Variants in STX11 observed in about 807,000 individuals in gnomAD.
The protein encoded by STX11 is syntaxin-11.
In STX11, 21 loss-of-function variants were observed where a neutral mutation model predicts 19.9. The ratio of observed to expected loss-of-function variants is 1.06; its 90% CI spans 0.75 to 1.52. The LOEUF is 1.52. STX11 is among the 40% of genes most tolerant of loss of function. STX11 has a pLI of 0.00. For missense variants in STX11, 438 were observed against 405.9 expected (o/e 1.08, Z -0.68); for synonymous variants, 193 against 174.4 (o/e 1.11, Z -0.84).
chr6:144,149,409 G>A (rs1800937001), upstream of STX11, among the ~76,000 whole-genome samples: 1 of 152,188 alleles, frequency 6.6e-6, no homozygotes, highest in African/African-American at 2.4e-5. This position sits in a 1 kb window ranked among gnomAD's most constrained non-coding sequence, Gnocchi z 5.1. Flanking sequence ...GCAACTGGGA[G>A]CTTTCAGGTG....
chr6:144,166,608 C>T (rs1382669826), intron 1 of STX11, among the ~76,000 whole-genome samples: 1 of 151,004 alleles, frequency 6.6e-6, no homozygotes, highest in African/African-American at 2.4e-5. Context: ...CCACTGCAAC[C>T]TCTGCCTCCC....
chr6:144,161,744 C>A (rs1441209856), intron 1 of STX11, among the ~76,000 whole-genome samples: 1 of 152,138 alleles, frequency 6.6e-6, no homozygotes, highest in Non-Finnish European at 1.5e-5. Flanking sequence ...CTGTTGACAT[C>A]TAGATACGTG....
intron 1 of STX11, among the ~76,000 whole-genome samples, chr6:144,161,144 A>G (rs1344714559): frequency 6.6e-6 from 1 of 152,226 alleles, no homozygotes; most frequent in Non-Finnish European, 1.5e-5. Flanking sequence ...TTAACTGTAA[A>G]TGAGCTCCAT....
At position 144,170,112 on chromosome 6, in the gene STX11, C is replaced by T. The variant is rs1223215182; in HGVS notation, c.-5-16511C>T. ...TTTTTCTGTCTGGTTTCTCCAATAGCTTGATTTTCTTTGCTACAGATAAAC... is the reference window on the plus strand; with the variant it reads ...TTTTTCTGTCTGGTTTCTCCAATAGTTTGATTTTCTTTGCTACAGATAAAC... On this transcript the variant is annotated intron_variant, in intron 1 of 1. Coordinates refer to ENST00000367568, the MANE Select transcript of STX11 (RefSeq NM_003764.4). The surrounding 1 kb of genome is among the most constrained non-coding windows in gnomAD (Gnocchi z 4.7). 6.6e-6 allele frequency among the ~76,000 whole-genome samples: 1 copy of T among 152,178 alleles called. No homozygotes were observed. Among genetic ancestry groups the T allele is most frequent in the Non-Finnish European group, 1.5e-5 (1 of 68,022 alleles).
Position 144,170,591 on chromosome 6 carries a change from GTATTAT to G in STX11, c.-5-16022_-5-16017del, listed in dbSNP as rs10602843. The stretch of plus-strand genomic sequence containing the variant: ...TTTTCAGATTAGGAATGCTCAATCT[GTATTAT>G]TATTATTATATTTTACAAAGAGCAT... On this transcript the variant is annotated intron_variant, in intron 1 of 1. Coordinates refer to ENST00000367568, the MANE Select transcript of STX11 (RefSeq NM_003764.4). This position sits in a 1 kb window ranked among gnomAD's most constrained non-coding sequence, Gnocchi z 4.7. Among the ~76,000 whole-genome samples, 1 of 151,598 alleles carries G rather than the reference GTATTAT, an allele frequency of 6.6e-6. No individual in the cohort carries two copies. The highest frequency in any genetic ancestry group is 2.4e-5 in the African/African-American group (1 of 41,166).
chr6:144,145,402 T>C, the STX11 span, among the ~76,000 whole-genome samples: 1 of 152,236 alleles, frequency 6.6e-6, no homozygotes, highest in South Asian at 2.1e-4. Flanking sequence ...ATTTCACTAC[T>C]GGGTATATAT....
At chr6:144,148,287 G>A (rs147633000), upstream of STX11, among the ~76,000 whole-genome samples, 13 of 152,292 alleles carry the variant, frequency 8.5e-5, no homozygotes, top group East Asian at 2.5e-3. Flanking sequence ...AGCCCAGCAT[G>A]CTCCTGCCTC....
At position 144,176,942 on chromosome 6, in the gene STX11, C is replaced by T. The variant is rs907990361; in HGVS notation, c.-5-9681C>T. 1.3e-5 allele frequency among the ~76,000 whole-genome samples: 2 copies of T among 152,092 alleles called. No homozygotes were observed. Among genetic ancestry groups the T allele is most frequent in the Admixed American group, 6.5e-5 (1 of 15,274 alleles). On this transcript the variant is annotated intron_variant, in intron 1 of 1. Coordinates refer to ENST00000367568, the MANE Select transcript of STX11 (RefSeq NM_003764.4). The surrounding 1 kb of genome is among the most constrained non-coding windows in gnomAD (Gnocchi z 4.1). ...TGATGTTGGATAACTCAGATATTTC[C>T]GTACCTTGTGTAAAAGATATCAGCC...
chr6:144,144,258 TAA>T, the STX11 span, among the ~76,000 whole-genome samples: 35 of 152,332 alleles, frequency 2.3e-4, no homozygotes, highest in African/African-American at 8.4e-4. Context: ...ACTAGTTTTG[TAA>T]GTCTGCAATC....
At chr6:144,171,719 C>CT (rs11357442) in intron 1 of STX11, among the ~76,000 whole-genome samples, 32 of 150,508 alleles carry the variant, frequency 2.1e-4, no homozygotes, top group Non-Finnish European at 3.8e-4. Context: ...TTTTTAGCAT[C>CT]TTTTTTTTTT....
In STX11 at chr6:144,189,031, T is replaced by C. The variant is rs1482609102; in HGVS notation, c.*1540T>C. ...GTGAGCCACCATGCCTGGCCTTTTT[T>C]CCCCCCTTTTGAGACAGGGTCTCCC... On this transcript the variant is annotated 3_prime_UTR_variant, in exon 2 of 2. Transcript: ENST00000367568. Among the ~76,000 whole-genome samples the C allele has an allele frequency of 1.3e-5, 2 of 151,574 alleles. No individual in the cohort carries two copies. Among genetic ancestry groups the C allele is most frequent in the Non-Finnish European group, 2.9e-5 (2 of 67,916 alleles).
At chr6:144,186,578 T>G (rs1802040769) in intron 1 of STX11, 45 bp from the exon 2 acceptor site, 1 of 1,612,982 alleles carries the variant, frequency 6.2e-7, no homozygotes, top group South Asian at 1.1e-5. Context: ...AGGCAAATAT[T>G]TGACTCTCAA....
At position 144,155,952 on chromosome 6, in the gene STX11, T is replaced by A. The variant is rs867181030; in HGVS notation, c.-6+5249T>A. Reference sequence around the variant, plus strand: ...GTTTTAAAATTTAATCTTTCTTTCTTTCTTTCTTTCTTTCTTTCTTTCTTT... The same window carrying A: ...GTTTTAAAATTTAATCTTTCTTTCTATCTTTCTTTCTTTCTTTCTTTCTTT... On this transcript the variant is annotated intron_variant, in intron 1 of 1. Transcript: ENST00000367568. The surrounding 1 kb of genome is among the most constrained non-coding windows in gnomAD (Gnocchi z 4.5). Among the ~76,000 whole-genome samples the A allele has an allele frequency of 0.26, 13,131 of 50,210 alleles. 1,013 individuals are homozygous for A. The highest frequency in any genetic ancestry group is 0.35 in the East Asian group (525 of 1,510). The allele number at this position is 50,210 out of a possible 152,430, so 32.9% of individuals were successfully genotyped here. A position where few individuals can be genotyped will look rare whatever the true frequency, so the allele number is the denominator to read the frequency against.
intron 1 of STX11, 122 bp from the exon 2 acceptor site, chr6:144,186,501 T>TA: frequency 8.2e-7 from 1 of 1,224,094 alleles, no homozygotes; most frequent in Non-Finnish European, 1.2e-6. Context: ...TTAGTGCACT[T>TA]ATTGCCCACA....
chr6:144,158,825 C>T (rs1801246783), intron 1 of STX11, among the ~76,000 whole-genome samples: 1 of 152,144 alleles, frequency 6.6e-6, no homozygotes, highest in Admixed American at 6.6e-5. Context: ...CACTTTTAAG[C>T]CTACCAATTT....
chr6:144,176,567 T>A lies in STX11; in HGVS notation c.-5-10056T>A, dbSNP rs1361187925. Among the ~76,000 whole-genome samples, 1 of 152,146 alleles carries A rather than the reference T, an allele frequency of 6.6e-6. No individual in the cohort carries two copies. Among genetic ancestry groups the A allele is most frequent in the Admixed American group, 6.5e-5 (1 of 15,270 alleles). On this transcript the variant is annotated intron_variant, in intron 1 of 1. Transcript: ENST00000367568. This position sits in a 1 kb window ranked among gnomAD's most constrained non-coding sequence, Gnocchi z 4.1. ...CGCAGAAAGTTACTATTATAGAATG[T>A]TTGCTTCTCGAATGTCTTTGCTTGC...
rs1801459864 is a variant in STX11, at chr6:144,165,696, G to A, written c.-6+14993G>A. ...GTATCATCTGCACATGCTTCCAAAG[G>A]AGTGGTACTTATAGTATCTTCAATA... On this transcript the variant is annotated intron_variant, in intron 1 of 1. Coordinates refer to ENST00000367568, the MANE Select transcript of STX11 (RefSeq NM_003764.4). This position sits in a 1 kb window ranked among gnomAD's most constrained non-coding sequence, Gnocchi z 5.8. Among the ~76,000 whole-genome samples the A allele has an allele frequency of 6.6e-6, 1 of 152,122 alleles. No homozygotes were observed. Among genetic ancestry groups the A allele is most frequent in the African/African-American group, 2.4e-5 (1 of 41,416 alleles).
In STX11 at chr6:144,150,722, G is replaced by C. The variant is rs145899982; in HGVS notation, c.-6+19G>C. 14 of 980,456 alleles carry C rather than the reference G, an allele frequency of 1.4e-5. No individual in the cohort carries two copies. In the East Asian group the frequency reaches 1.7e-3, roughly 118 times the overall value. 60.7% of individuals were successfully genotyped at this position (980,456 alleles called of 1,614,324 possible). A position where few individuals can be genotyped will look rare whatever the true frequency, so the allele number is the denominator to read the frequency against. ...AGTCCAGGTTTGTTTTTCTCTTCCT[G>C]AGCCCCCATTTCTCTTCCTGACTAT... On this transcript the variant is annotated intron_variant, in intron 1 of 1. Coordinates refer to ENST00000367568, the MANE Select transcript of STX11 (RefSeq NM_003764.4).
chr6:144,140,854 C>T, the STX11 span: 1 of 889,026 alleles, frequency 1.1e-6, no homozygotes. Flanking sequence ...AAATAGATGA[C>T]ACAAATTCAT....
Sources: allele counts gnomAD v4.1 joint callset (sites outside exome capture counted in the v4.1 genomes callset), GRCh38; gene constraint gnomAD v4.1.1; non-coding constraint Gnocchi (gnomAD v3.1); transcripts MANE v1.5; gene names NCBI Gene and HGNC (gene_info 2026-07-23, HGNC 2026-07-21).